The following PIK3R1 variants were observed in gnomAD, a reference collection of about 807,000 sequenced individuals.
PIK3R1 encodes the protein phosphatidylinositol 3-kinase regulatory subunit alpha.
PIK3R1 carries 29 observed loss-of-function variants against 98.0 expected under a neutral mutation model. The observed-to-expected ratio is 0.30, with a 90% CI of 0.22 to 0.40. The LOEUF is 0.40. Among genes scored for constraint, PIK3R1 ranks in the 10% least tolerant of loss-of-function variants. PIK3R1 has a pLI of 1.00. For synonymous variants in PIK3R1, 282 were observed against 311.8 expected, an observed-to-expected ratio of 0.90 and a Z score of 1.01; for missense variants, 596 against 872.7, an observed-to-expected ratio of 0.68 and a Z score of 3.99.
intron 2 of PIK3R1, among the ~76,000 whole-genome samples, chr5:68,268,091 T>G (rs1033668964): frequency 6.6e-6 from 1 of 152,116 alleles, no homozygotes; most frequent in African/African-American, 2.4e-5. Context: ...TGTTTATATA[T>G]ATATATTATT....
In PIK3R1 at chr5:68,298,555, A is replaced by G. The variant is rs1450154859; in HGVS notation, c.*954A>G. Reference sequence around the variant, plus strand: ...TTTTGTTATCCTTTTTTAAAAGTAAATGTACAGGATGCCAGTAAAAAAAAA... The same window carrying G: ...TTTTGTTATCCTTTTTTAAAAGTAAGTGTACAGGATGCCAGTAAAAAAAAA... On this transcript the variant is annotated 3_prime_UTR_variant, in exon 16 of 16. Transcript: ENST00000521381. The G allele has an allele frequency of 2.2e-5, 5 of 228,884 alleles. No homozygotes were observed. The highest frequency in any genetic ancestry group is 4.3e-5 in the Non-Finnish European group (5 of 117,362). 14.2% of individuals were successfully genotyped at this position (228,884 alleles called of 1,614,324 possible).
intron 1 of PIK3R1, among the ~76,000 whole-genome samples, chr5:68,224,228 T>C (rs1431078657): frequency 6.6e-6 from 1 of 152,266 alleles, no homozygotes; most frequent in Non-Finnish European, 1.5e-5. Context: ...ACATTAGTAC[T>C]AAAAATGAGA....
At chr5:68,290,725 A>G in intron 7 of PIK3R1, 1 of 1,604,540 alleles carries the variant, frequency 6.2e-7, no homozygotes, top group Non-Finnish European at 8.5e-7. Context: ...AAACTCTTGC[A>G]CAAATGTACA....
At chr5:68,258,154 C>T (rs1745600365) in intron 2 of PIK3R1, among the ~76,000 whole-genome samples, 1 of 152,178 alleles carries the variant, frequency 6.6e-6, no homozygotes, top group South Asian at 2.1e-4. Flanking sequence ...TGTAAGAAAA[C>T]ATCTGACAGC....
intron 2 of PIK3R1, among the ~76,000 whole-genome samples, chr5:68,237,216 T>C (rs1284102661): frequency 6.6e-6 from 1 of 152,220 alleles, no homozygotes; most frequent in East Asian, 1.9e-4. Flanking sequence ...TAGCAGCTGC[T>C]TGAAGTCCAT....
intron 2 of PIK3R1, among the ~76,000 whole-genome samples, chr5:68,268,764 CT>C (rs1746223306): frequency 6.6e-6 from 1 of 152,124 alleles, no homozygotes; most frequent in African/African-American, 2.4e-5. Flanking sequence ...TTCAAAATAT[CT>C]TTTTTTATGG....
At chr5:68,256,014 C>T (rs551344427) in intron 2 of PIK3R1, among the ~76,000 whole-genome samples, 1 of 152,050 alleles carries the variant, frequency 6.6e-6, no homozygotes, top group Non-Finnish European at 1.5e-5. Context: ...TTCATAGGGG[C>T]GTGTTCACAA....
intron 7 of PIK3R1, chr5:68,288,291 C>A: frequency 2.2e-6 from 1 of 454,394 alleles, no homozygotes; most frequent in Non-Finnish European, 3.0e-6. Flanking sequence ...ACAACTTTGA[C>A]TTGGGCTCCC....
At chr5:68,219,418 C>G (rs138714861) in intron 1 of PIK3R1, among the ~76,000 whole-genome samples, 2,200 of 152,280 alleles carry the variant, frequency 0.014, 31 homozygotes, top group Middle Eastern at 0.02. Context: ...GCATCTGGAC[C>G]AGCCATTCCT....
At chr5:68,273,158 G>A (rs1746433229) in intron 2 of PIK3R1, among the ~76,000 whole-genome samples, 1 of 152,152 alleles carries the variant, frequency 6.6e-6, no homozygotes, top group South Asian at 2.1e-4. Context: ...GTGGACCTGG[G>A]GGAAAGGCCA....
intron 4 of PIK3R1, 146 bp downstream of exon 4, chr5:68,274,159 C>T: frequency 1.4e-6 from 1 of 712,840 alleles, no homozygotes; most frequent in Admixed American, 2.2e-5. Flanking sequence ...TCTCCCTGCC[C>T]TGTTATGGTA....
intron 2 of PIK3R1, among the ~76,000 whole-genome samples, chr5:68,258,108 G>A (rs185179): frequency 2.6e-5 from 4 of 152,310 alleles, no homozygotes; most frequent in African/African-American, 9.6e-5. Flanking sequence ...TTAGAGTCAG[G>A]TTTTAGGACC....
intron 2 of PIK3R1, among the ~76,000 whole-genome samples, chr5:68,241,899 T>G (rs1580190803): frequency 6.6e-6 from 1 of 152,260 alleles, no homozygotes; most frequent in East Asian, 1.9e-4. Flanking sequence ...TCAAACTAAT[T>G]TAAGAATCTT....
chr5:68,264,874 A>G (rs1446717167), intron 2 of PIK3R1, among the ~76,000 whole-genome samples: 1 of 152,172 alleles, frequency 6.6e-6, no homozygotes, highest in African/African-American at 2.4e-5. Context: ...CTCTTTTGAT[A>G]CCTAATTCGT....
chr5:68,301,497 C>T lies in PIK3R1; in HGVS notation c.*3896C>T, dbSNP rs2545411. ...ATATACATATATGTATATATATGCA[C>T]ATATATATATGTATTTAAAAAAATC... On this transcript the variant is annotated 3_prime_UTR_variant, in exon 16 of 16. Coordinates refer to ENST00000521381, the MANE Select transcript of PIK3R1 (RefSeq NM_181523.3). 4.5e-5 allele frequency: 6 copies of T among 132,982 alleles called. No individual in the cohort carries two copies. Among genetic ancestry groups the T allele is most frequent in the Admixed American group, 1.6e-4 (2 of 12,832 alleles). The allele number at this position is 132,982 out of a possible 1,614,324, so 8.2% of individuals were successfully genotyped here. A position where few individuals can be genotyped will look rare whatever the true frequency, so the allele number is the denominator to read the frequency against.
chr5:68,295,104 C>A, intron 12 of PIK3R1, 44 bp from the exon 13 acceptor site: 1 of 1,547,256 alleles, frequency 6.5e-7, no homozygotes, highest in Non-Finnish European at 8.8e-7. Flanking sequence ...GGGACCGTTC[C>A]TGATGTACCC....
At chr5:68,219,725 C>T (rs916176968) in intron 1 of PIK3R1, among the ~76,000 whole-genome samples, 2 of 152,204 alleles carry the variant, frequency 1.3e-5, no homozygotes, top group Non-Finnish European at 1.5e-5. Flanking sequence ...TCAGGATTCA[C>T]TTAGAACTGT....
At chr5:68,261,732 C>A (rs1167621683) in intron 2 of PIK3R1, among the ~76,000 whole-genome samples, 1 of 152,110 alleles carries the variant, frequency 6.6e-6, no homozygotes, top group Non-Finnish European at 1.5e-5. Context: ...TTAGAGCCAA[C>A]AAAAAACATC....
At chr5:68,236,501 G>A (rs1346569602) in intron 2 of PIK3R1, among the ~76,000 whole-genome samples, 2 of 151,748 alleles carry the variant, frequency 1.3e-5, no homozygotes, top group South Asian at 2.1e-4. Flanking sequence ...CGCCCACCTC[G>A]GCCTCCCAAA....
Sources: allele counts gnomAD v4.1 joint callset (sites outside exome capture counted in the v4.1 genomes callset), GRCh38; gene constraint gnomAD v4.1.1; transcripts MANE v1.5; gene names NCBI Gene and HGNC (gene_info 2026-07-23, HGNC 2026-07-21).